The following AKR1A1 variants were observed in gnomAD, a reference collection of about 807,000 sequenced individuals.
AKR1A1 encodes the protein HEL-S-165mP.
Under a neutral mutation model 39.2 loss-of-function variants are expected in AKR1A1, and 26 were observed. That is an observed-to-expected ratio of 0.66 (90% confidence interval 0.49 to 0.92). The LOEUF is 0.92. AKR1A1 is among the 40% of genes least tolerant of loss of function. The probability of loss-of-function intolerance (pLI) is 0.00; values close to 1 mark genes in which losing one functional copy is unlikely to be tolerated. For synonymous variants in AKR1A1, 141 were observed against 155.5 expected (o/e 0.91, Z 0.69); for missense variants, 378 against 406.5 (o/e 0.93, Z 0.60).
At chr1:45,558,317 C>T (rs1201968756) in intron 1 of AKR1A1, among the ~76,000 whole-genome samples, 3 of 152,082 alleles carry the variant, frequency 2.0e-5, no homozygotes, top group Admixed American at 1.3e-4. Context: ...CAACCTCCGC[C>T]TCCCGGGTTC....
Sources: allele counts gnomAD v4.1 joint callset (sites outside exome capture counted in the v4.1 genomes callset), GRCh38; gene constraint gnomAD v4.1.1; transcripts MANE v1.5; gene names NCBI Gene and HGNC (gene_info 2026-07-23, HGNC 2026-07-21).